The following ZNF804B variants were observed in gnomAD, a reference collection of about 807,000 sequenced individuals.
ZNF804B encodes the protein zinc finger protein 804B.
A neutral mutation model predicts 101.4 loss-of-function variants in ZNF804B; 80 were observed. That is an observed-to-expected ratio of 0.79 (90% CI 0.66 to 0.95). The LOEUF is 0.95. Among genes scored for constraint, ZNF804B ranks in the 40% least tolerant of loss-of-function variants. The pLI, the probability that ZNF804B is intolerant of heterozygous loss-of-function variation, is 0.00. For missense variants in ZNF804B, 1,673 were observed against 1,561.9 expected (o/e 1.07, Z -1.20); for synonymous variants, 622 against 558.8 (o/e 1.11, Z -1.59).
Position 88,855,819 on chromosome 7 carries a change from A to G in ZNF804B, c.108+95735A>G, listed in dbSNP as rs554846094. On this transcript the variant is annotated intron_variant, in intron 1 of 3. Coordinates refer to ENST00000333190, the MANE Select transcript of ZNF804B (RefSeq NM_181646.5). ...AAGGGATCCAGTTTCAGCTTTCTGC[A>G]TATGGCTAGCCAGTTTTCCCAGCAC... Among the ~76,000 whole-genome samples, 20 of 152,340 alleles carry G rather than the reference A, an allele frequency of 1.3e-4. 1 individual carries two copies. Among genetic ancestry groups the G allele is most frequent in the African/African-American group, 4.8e-4 (20 of 41,572 alleles).
chr7:89,011,271 T>A (rs1342586234), intron 1 of ZNF804B, among the ~76,000 whole-genome samples: 1 of 152,130 alleles, frequency 6.6e-6, no homozygotes, highest in Non-Finnish European at 1.5e-5. Flanking sequence ...GTCCTGCCCT[T>A]GACACATGGG....
At chr7:89,106,006 T>C (rs752138322) in intron 1 of ZNF804B, among the ~76,000 whole-genome samples, 8 of 152,158 alleles carry the variant, frequency 5.3e-5, no homozygotes, top group Non-Finnish European at 1.2e-4. Context: ...GGAGCTTCCA[T>C]GCTTCCTCAG....
chr7:89,245,519 A>G (rs1004493118), intron 2 of ZNF804B, among the ~76,000 whole-genome samples: 2 of 152,214 alleles, frequency 1.3e-5, no homozygotes, highest in Non-Finnish European at 2.9e-5. Flanking sequence ...TCAGAAACCA[A>G]TAAGTTTTAA....
At chr7:89,195,187 C>G (rs1469382133) in intron 1 of ZNF804B, among the ~76,000 whole-genome samples, 5 of 149,490 alleles carry the variant, frequency 3.3e-5, no homozygotes, top group African/African-American at 1.2e-4. Flanking sequence ...TGGGACATAT[C>G]TCAAAATAAT....
At chr7:89,154,984 C>A (rs1040325383) in intron 1 of ZNF804B, among the ~76,000 whole-genome samples, 7 of 151,722 alleles carry the variant, frequency 4.6e-5, no homozygotes, top group Middle Eastern at 3.2e-3. Flanking sequence ...ATATTACATG[C>A]CTATATGAAA....
At chr7:88,789,309 T>G (rs547384508) in intron 1 of ZNF804B, among the ~76,000 whole-genome samples, 9 of 152,200 alleles carry the variant, frequency 5.9e-5, no homozygotes, top group African/African-American at 2.2e-4. Context: ...CAGGCATAAT[T>G]TGCTTAAAGT....
At chr7:89,187,074 CA>C (rs1486293694) in intron 1 of ZNF804B, among the ~76,000 whole-genome samples, 1 of 152,062 alleles carries the variant, frequency 6.6e-6, no homozygotes, top group Non-Finnish European at 1.5e-5. Context: ...ATTTTATTTG[CA>C]AGAGCACAAA....
At chr7:89,016,344 A>G (rs1423614612) in intron 1 of ZNF804B, among the ~76,000 whole-genome samples, 2 of 151,618 alleles carry the variant, frequency 1.3e-5, no homozygotes, top group Non-Finnish European at 3.0e-5. Flanking sequence ...TAGTTTAATT[A>G]GATCCCATTT....
At chr7:88,946,066 G>C (rs1162387323) in intron 1 of ZNF804B, among the ~76,000 whole-genome samples, 1 of 151,884 alleles carries the variant, frequency 6.6e-6, no homozygotes, top group Non-Finnish European at 1.5e-5. Context: ...CTCTTCCTAT[G>C]TGAATACACT....
intron 2 of ZNF804B, among the ~76,000 whole-genome samples, chr7:89,311,445 T>C (rs1790649300): frequency 6.6e-6 from 1 of 152,178 alleles, no homozygotes; most frequent in Admixed American, 6.6e-5. Context: ...GAATTTATTC[T>C]CCATGGTATA....
intron 1 of ZNF804B, among the ~76,000 whole-genome samples, chr7:89,157,622 G>A (rs1343606453): frequency 6.6e-6 from 1 of 152,122 alleles, no homozygotes; most frequent in East Asian, 1.9e-4. Context: ...ATCTTTCTCT[G>A]AGTTTTGAAA....
At chr7:89,302,176 T>G (rs1402331576) in intron 2 of ZNF804B, among the ~76,000 whole-genome samples, 1 of 151,910 alleles carries the variant, frequency 6.6e-6, no homozygotes, top group Non-Finnish European at 1.5e-5. Context: ...TGCAATAAGA[T>G]TGTGTGTATA....
At chr7:89,165,556 G>C (rs978764825) in intron 1 of ZNF804B, among the ~76,000 whole-genome samples, 1 of 152,028 alleles carries the variant, frequency 6.6e-6, no homozygotes, top group Non-Finnish European at 1.5e-5. Context: ...CTTAAGATAG[G>C]AGTTTTAGCA....
intron 1 of ZNF804B, among the ~76,000 whole-genome samples, chr7:88,808,102 G>A (rs1434849034): frequency 6.6e-6 from 1 of 152,084 alleles, no homozygotes; most frequent in Non-Finnish European, 1.5e-5. Flanking sequence ...CTTCTGAAAA[G>A]AAAACCAGGC....
intron 1 of ZNF804B, among the ~76,000 whole-genome samples, chr7:88,866,045 A>G (rs190714888): frequency 1.1e-3 from 164 of 152,354 alleles, no homozygotes; most frequent in African/African-American, 3.4e-3. Context: ...TCTTGTCCAC[A>G]GTAAGTAGTA....
At chr7:88,848,822 A>C (rs1791412224) in intron 1 of ZNF804B, among the ~76,000 whole-genome samples, 1 of 152,096 alleles carries the variant, frequency 6.6e-6, no homozygotes, top group Admixed American at 6.6e-5. Context: ...GAGGCAGGAA[A>C]GTTTAACATT....
chr7:89,034,810 C>T (rs1788899910), intron 1 of ZNF804B, among the ~76,000 whole-genome samples: 1 of 152,060 alleles, frequency 6.6e-6, no homozygotes. Flanking sequence ...GTTGTAGATC[C>T]TTGAGGAATT....
chr7:89,072,753 T>A (rs1265712601), intron 1 of ZNF804B, among the ~76,000 whole-genome samples: 2 of 152,142 alleles, frequency 1.3e-5, no homozygotes, highest in Non-Finnish European at 2.9e-5. Flanking sequence ...TAAAGGTTAT[T>A]TTTGCCTTTT....
chr7:89,217,757 A>G (rs11761593), intron 1 of ZNF804B, among the ~76,000 whole-genome samples: 5,855 of 152,276 alleles, frequency 0.038, 111 homozygotes, highest in Admixed American at 0.045. Context: ...ATGGGAGAGC[A>G]TATGAAATGG....
Sources: gnomAD v4.1 joint callset for allele counts (sites outside exome capture counted in the v4.1 genomes callset) on GRCh38, gnomAD v4.1.1 for gene constraint, MANE v1.5 for transcripts, NCBI Gene and HGNC (gene_info 2026-07-23, HGNC 2026-07-21) for gene names.